GPC5: variants seen among roughly 807,000 people sequenced by gnomAD.
GPC5 encodes glypican-5.
Under a neutral mutation model 53.9 loss-of-function variants are expected in GPC5, and 47 were observed. That is an observed-to-expected ratio of 0.87 (90% CI 0.69 to 1.11). The LOEUF is 1.11. GPC5 is among the 50% of genes most tolerant of loss of function. GPC5 has a pLI of 0.00. For synonymous variants in GPC5, 286 were observed against 263.3 expected (o/e 1.09, Z -0.84); for missense variants, 748 against 713.1 (o/e 1.05, Z -0.56).
In GPC5 at chr13:92,394,184, G is replaced by A. The variant is rs191554384; in HGVS notation, c.1561+249195G>A. ...ACCTCCAAAGATTCAATCATCTAAG[G>A]GTGTATAGTATATTATTATACTTAT... On this transcript the variant is annotated intron_variant, in intron 7 of 7. Coordinates refer to ENST00000377067, the MANE Select transcript of GPC5 (RefSeq NM_004466.6). Among the ~76,000 whole-genome samples, 496 of 151,940 alleles carry A rather than the reference G, an allele frequency of 3.3e-3. 4 individuals are homozygous for A. The highest frequency in any genetic ancestry group is 0.011 in the African/African-American group (474 of 41,430).
intron 7 of GPC5, among the ~76,000 whole-genome samples, chr13:92,370,974 C>G (rs1192762760): frequency 6.6e-6 from 1 of 152,064 alleles, no homozygotes; most frequent in Non-Finnish European, 1.5e-5. Context: ...CATGGTGAAA[C>G]TCCGTCTCTA....
rs562987140 is a variant in GPC5, at chr13:91,409,748, G to T, written c.163+10539G>T. Reference sequence around the variant, plus strand: ...TTAGATTCAGGGGGAACATGTGCAGGTTTGTTACTTGGGTTTATTGTGTTA... The same window carrying T: ...TTAGATTCAGGGGGAACATGTGCAGTTTTGTTACTTGGGTTTATTGTGTTA... On this transcript the variant is annotated intron_variant, in intron 1 of 7. Transcript: ENST00000377067. Among the ~76,000 whole-genome samples the T allele has an allele frequency of 2.0e-5, 3 of 152,194 alleles. No homozygotes were observed. In the South Asian group the frequency reaches 6.2e-4, roughly 32 times the overall value.
At chr13:92,432,889 A>G (rs576465422) in intron 7 of GPC5, among the ~76,000 whole-genome samples, 1 of 152,204 alleles carries the variant, frequency 6.6e-6, no homozygotes, top group South Asian at 2.1e-4. Flanking sequence ...ATCCTCTGGA[A>G]AAAGATAAAT....
intron 2 of GPC5, among the ~76,000 whole-genome samples, chr13:91,508,806 A>G (rs1334213946): frequency 6.6e-6 from 1 of 152,226 alleles, no homozygotes; most frequent in Admixed American, 6.5e-5. Context: ...TCAATGTGCT[A>G]TATACAATCA....
intron 7 of GPC5, among the ~76,000 whole-genome samples, chr13:92,539,510 G>A (rs1170120149): frequency 1.3e-5 from 2 of 151,916 alleles, no homozygotes; most frequent in Non-Finnish European, 2.9e-5. Flanking sequence ...ACTTTTTGAT[G>A]GGGTTGTTTA....
intron 6 of GPC5, among the ~76,000 whole-genome samples, chr13:92,048,230 T>A (rs2040999065): frequency 6.6e-6 from 1 of 152,014 alleles, no homozygotes. Context: ...ATCATTTTCA[T>A]ATTACAAATA....
At chr13:92,527,193 GA>G (rs1388722304) in intron 7 of GPC5, among the ~76,000 whole-genome samples, 460 of 20,796 alleles carry the variant, frequency 0.022, 36 homozygotes, top group African/African-American at 0.079. Flanking sequence ...AAGAAAGAAA[GA>G]AAGAAAGAAA....
chr13:91,865,300 G>A (rs901977444), intron 5 of GPC5, among the ~76,000 whole-genome samples: 2 of 151,922 alleles, frequency 1.3e-5, no homozygotes, highest in African/African-American at 4.8e-5. Flanking sequence ...ATTTTGAAGA[G>A]TTTTTTTCTT....
At chr13:92,704,987 T>C (rs539620064) in intron 7 of GPC5, among the ~76,000 whole-genome samples, 4 of 151,412 alleles carry the variant, frequency 2.6e-5, no homozygotes, top group Non-Finnish European at 4.4e-5. Flanking sequence ...TCTTTAATGA[T>C]CTCGATGTGT....
Position 91,756,371 on chromosome 13 carries a change from G to A in GPC5, c.1231G>A (p.Ala411Thr). The A allele has an allele frequency of 1.9e-6, 3 of 1,593,160 alleles. No individual in the cohort carries two copies. The highest frequency in any genetic ancestry group is 1.7e-5 in the Admixed American group (1 of 59,616). The stretch of plus-strand genomic sequence containing the variant: ...TGATCAGCTTTGTGCTAATGAATTA[G>A]CTGCTGCAGATGGACTTCCCTGCTG... ...LADQLCANEL[A>T]AADGLPCWNG... The change falls in exon 5 of 8, where the codon GCT becomes ACT. Residue 411 changes from alanine (A) to threonine (T), a missense_variant. Coordinates refer to ENST00000377067, the MANE Select transcript of GPC5 (RefSeq NM_004466.6).
At chr13:92,609,382 A>G (rs1011623) in intron 7 of GPC5, among the ~76,000 whole-genome samples, 54,596 of 151,974 alleles carry the variant, frequency 0.36, 12,393 homozygotes, top group East Asian at 0.73. Context: ...AGTTTTTTGA[A>G]GGAAAAATAA....
At chr13:92,727,705 T>C (rs1410510287) in intron 7 of GPC5, among the ~76,000 whole-genome samples, 1 of 151,392 alleles carries the variant, frequency 6.6e-6, no homozygotes, top group African/African-American at 2.4e-5. Flanking sequence ...CCCTACCCTC[T>C]CACTTCTGAA....
chr13:91,975,983 A>G (rs2040296697), intron 6 of GPC5, among the ~76,000 whole-genome samples: 1 of 152,218 alleles, frequency 6.6e-6, no homozygotes, highest in South Asian at 2.1e-4. Flanking sequence ...GACATGGATG[A>G]AACTGGAAAC....
At chr13:91,748,231 TG>T (rs1772782613) in intron 4 of GPC5, among the ~76,000 whole-genome samples, 1 of 152,222 alleles carries the variant, frequency 6.6e-6, no homozygotes, top group Admixed American at 6.5e-5. Flanking sequence ...AATATTAATG[TG>T]TCACTACATA....
At chr13:92,449,787 AAAAC>A (rs902133134) in intron 7 of GPC5, among the ~76,000 whole-genome samples, 6 of 147,020 alleles carry the variant, frequency 4.1e-5, no homozygotes, top group East Asian at 2.6e-4. Flanking sequence ...ATTCATTGAA[AAAAC>A]AAAAAATTAT....
chr13:91,768,024 A>C (rs932898383), intron 5 of GPC5, among the ~76,000 whole-genome samples: 1 of 152,186 alleles, frequency 6.6e-6, no homozygotes, highest in Non-Finnish European at 1.5e-5. Context: ...TTCCCTTTTC[A>C]GTTAAATGGA....
chr13:91,659,533 T>A (rs574469998), intron 2 of GPC5, among the ~76,000 whole-genome samples: 40 of 152,306 alleles, frequency 2.6e-4, no homozygotes, highest in Non-Finnish European at 4.0e-4. Context: ...TCAAGGATAT[T>A]TATTATGCTC....
chr13:92,091,841 A>G (rs996130355), intron 6 of GPC5, among the ~76,000 whole-genome samples: 3 of 152,026 alleles, frequency 2.0e-5, no homozygotes, highest in African/African-American at 4.8e-5. Flanking sequence ...TACCCTGTCC[A>G]GAGAAAGATA....
At chr13:92,512,065 T>TA (rs1880584957) in intron 7 of GPC5, among the ~76,000 whole-genome samples, 1 of 152,206 alleles carries the variant, frequency 6.6e-6, no homozygotes, top group South Asian at 2.1e-4. Context: ...TGACCTTCTC[T>TA]AAGACCAAGT....
Sources: allele counts gnomAD v4.1 joint callset (sites outside exome capture counted in the v4.1 genomes callset), GRCh38; gene constraint gnomAD v4.1.1; transcripts MANE v1.5; gene names NCBI Gene and HGNC (gene_info 2026-07-23, HGNC 2026-07-21).